MAF: variants seen among roughly 807,000 people sequenced by gnomAD.
MAF encodes the protein MAF bZIP transcription factor, also known as transcription factor Maf.
A neutral mutation model predicts 22.0 loss-of-function variants in MAF; 10 were observed. The ratio of observed to expected loss-of-function variants is 0.45; its 90% confidence interval spans 0.28 to 0.77. The LOEUF is 0.77. MAF is among the 30% of genes least tolerant of loss of function. The pLI is 0.12. For synonymous variants in MAF, 337 were observed against 255.8 expected (o/e 1.32, Z -3.03); for missense variants, 544 against 548.4 (o/e 0.99, Z 0.08).
At position 79,600,259 on chromosome 16, in the gene MAF, T is replaced by C. The variant is rs1012073817; in HGVS notation, c.-357A>G. 2 of 247,076 alleles carry C rather than the reference T, an allele frequency of 8.1e-6. No homozygotes were observed. The highest frequency in any genetic ancestry group is 4.5e-5 in the African/African-American group (2 of 44,084). The allele number at this position is 247,076 out of a possible 1,614,324, so 15.3% of individuals were successfully genotyped here. On this transcript the variant is annotated 5_prime_UTR_variant, in exon 1 of 2. Coordinates refer to ENST00000326043, the MANE Select transcript of MAF (RefSeq NM_005360.5). ...GCGGTGGTGGCTGCGGCGGCGAAGCTGGAGGAGCCCGGCCCGGTGCGCGGC... is the reference window on the plus strand; with the variant it reads ...GCGGTGGTGGCTGCGGCGGCGAAGCCGGAGGAGCCCGGCCCGGTGCGCGGC...
At chr16:79,349,890 A>G in the MAF span, among the ~76,000 whole-genome samples, 1 of 152,096 alleles carries the variant, frequency 6.6e-6, no homozygotes, top group Admixed American at 6.5e-5. Context: ...CCAAGCACAC[A>G]CGCTCTATGC....
the MAF span, among the ~76,000 whole-genome samples, chr16:79,293,136 C>T: frequency 1.3e-5 from 2 of 152,280 alleles, no homozygotes; most frequent in African/African-American, 4.8e-5. Context: ...TCACTTTACC[C>T]TATGGACTGG....
the MAF span, among the ~76,000 whole-genome samples, chr16:79,388,061 A>G: frequency 6.6e-6 from 1 of 152,192 alleles, no homozygotes; most frequent in Admixed American, 6.5e-5. Flanking sequence ...TTTAGAGTTT[A>G]TTTTGGACTC....
the MAF span, among the ~76,000 whole-genome samples, chr16:79,423,781 T>C: frequency 1.3e-5 from 2 of 152,158 alleles, no homozygotes; most frequent in Non-Finnish European, 2.9e-5. Flanking sequence ...TGTATTGAGT[T>C]TGAATTTCCC....
chr16:79,269,243 G>A, the MAF span, among the ~76,000 whole-genome samples: 2 of 152,186 alleles, frequency 1.3e-5, no homozygotes, highest in Admixed American at 1.3e-4. Context: ...TAGCAAAGGA[G>A]TGACTTCCAG....
chr16:79,247,120 C>T, the MAF span, among the ~76,000 whole-genome samples: 39 of 152,140 alleles, frequency 2.6e-4, no homozygotes, highest in Admixed American at 7.9e-4. Context: ...GGAAGGCCTC[C>T]CCGAGGTGGT....
chr16:79,303,092 T>C, the MAF span, among the ~76,000 whole-genome samples: 1 of 152,112 alleles, frequency 6.6e-6, no homozygotes, highest in Non-Finnish European at 1.5e-5. Context: ...GTAATCTGTG[T>C]GTGTGTGTGA....
the MAF span, among the ~76,000 whole-genome samples, chr16:79,514,772 G>A: frequency 6.6e-6 from 1 of 152,174 alleles, no homozygotes; most frequent in African/African-American, 2.4e-5. Flanking sequence ...TTTTCTGGAT[G>A]CTGGCTGGAT....
chr16:79,298,172 C>T, the MAF span, among the ~76,000 whole-genome samples: 1 of 152,234 alleles, frequency 6.6e-6, no homozygotes, highest in Admixed American at 6.5e-5. Flanking sequence ...CCTGTGTTTG[C>T]ATAACATTCC....
chr16:79,454,606 A>G, the MAF span, among the ~76,000 whole-genome samples: 1 of 152,200 alleles, frequency 6.6e-6, no homozygotes, highest in Admixed American at 6.5e-5. Context: ...CCTAAAGGAA[A>G]ATGCTCTTGG....
the MAF span, among the ~76,000 whole-genome samples, chr16:79,372,398 C>G: frequency 2.0e-4 from 30 of 152,282 alleles, no homozygotes; most frequent in African/African-American, 7.2e-4. Context: ...AATGTAATGT[C>G]TACCCTGGAC....
chr16:79,289,608 A>G, the MAF span, among the ~76,000 whole-genome samples: 1 of 152,246 alleles, frequency 6.6e-6, no homozygotes, highest in Non-Finnish European at 1.5e-5. Context: ...ACCATCAGAC[A>G]AGACCTTCCA....
the MAF span, among the ~76,000 whole-genome samples, chr16:79,326,286 T>C: frequency 2.6e-5 from 4 of 152,130 alleles, no homozygotes; most frequent in Non-Finnish European, 5.9e-5. Flanking sequence ...CTAAAATGTA[T>C]AAAAGTACTT....
At chr16:79,254,359 ATC>A in the MAF span, among the ~76,000 whole-genome samples, 3 of 152,162 alleles carry the variant, frequency 2.0e-5, no homozygotes, top group African/African-American at 7.2e-5. Context: ...CCTAGTGGGC[ATC>A]TCTCTATGAC....
the MAF span, among the ~76,000 whole-genome samples, chr16:79,371,459 T>C: frequency 6.6e-6 from 1 of 152,122 alleles, no homozygotes; most frequent in South Asian, 2.1e-4. Flanking sequence ...ACTACCACTC[T>C]CAGAAATACA....
chr16:79,326,792 C>T, the MAF span, among the ~76,000 whole-genome samples: 1 of 152,150 alleles, frequency 6.6e-6, no homozygotes, highest in South Asian at 2.1e-4. Flanking sequence ...TTTGCTGACT[C>T]CTGACCTAGG....
chr16:79,502,655 G>T, the MAF span, among the ~76,000 whole-genome samples: 1 of 141,852 alleles, frequency 7.0e-6, no homozygotes, highest in Non-Finnish European at 1.5e-5. Context: ...AACAGAGTTA[G>T]ACCTTGTCTC....
chr16:79,397,291 A>G, the MAF span, among the ~76,000 whole-genome samples: 1 of 152,220 alleles, frequency 6.6e-6, no homozygotes, highest in Non-Finnish European at 1.5e-5. Flanking sequence ...AAAGCACGGG[A>G]TCTCATCAAT....
chr16:79,383,011 G>A, the MAF span, among the ~76,000 whole-genome samples: 1 of 152,128 alleles, frequency 6.6e-6, no homozygotes, highest in Non-Finnish European at 1.5e-5. Context: ...TTACTGCATA[G>A]CATGTACACT....
Sources: allele counts gnomAD v4.1 joint callset (sites outside exome capture counted in the v4.1 genomes callset), GRCh38; gene constraint gnomAD v4.1.1; transcripts MANE v1.5; gene names NCBI Gene and HGNC (gene_info 2026-07-23, HGNC 2026-07-21).